Variants in EDIL3 observed in about 807,000 individuals in gnomAD.
The protein encoded by EDIL3 is EGF like and discoidin domains 3.
A neutral mutation model predicts 67.4 loss-of-function variants in EDIL3; 37 were observed. The observed-to-expected ratio is 0.55, with a 90% CI of 0.42 to 0.72. The LOEUF (loss-of-function observed/expected upper bound fraction) is 0.72. Among genes scored for constraint, EDIL3 ranks in the 30% least tolerant of loss-of-function variants. The pLI, the probability that EDIL3 is intolerant of heterozygous loss-of-function variation, is 0.00. For synonymous variants in EDIL3, 195 were observed against 196.3 expected (o/e 0.99, Z 0.05); for missense variants, 527 against 586.3 (o/e 0.90, Z 1.04).
At chr5:84,205,908 T>C (rs4348196) in intron 3 of EDIL3, among the ~76,000 whole-genome samples, 18,128 of 150,088 alleles carry the variant, frequency 0.12, 1,209 homozygotes, top group Non-Finnish European at 0.15. Context: ...GTGTCTCTAT[T>C]TCCTTCAGTT....
At chr5:84,103,441 A>C (rs1195392129) in intron 6 of EDIL3, among the ~76,000 whole-genome samples, 1 of 152,148 alleles carries the variant, frequency 6.6e-6, no homozygotes, top group Non-Finnish European at 1.5e-5. Context: ...CAACCTACCG[A>C]ATGGAAGAAA....
intron 2 of EDIL3, among the ~76,000 whole-genome samples, chr5:84,235,624 C>G (rs953178678): frequency 6.6e-6 from 1 of 152,052 alleles, no homozygotes; most frequent in South Asian, 2.1e-4. Context: ...GTCTGGAACA[C>G]TGGAGGAACT....
At chr5:84,356,948 T>C (rs1747501200) in intron 1 of EDIL3, among the ~76,000 whole-genome samples, 2 of 148,000 alleles carry the variant, frequency 1.4e-5, no homozygotes, top group Non-Finnish European at 3.0e-5. Flanking sequence ...CTTTTTTTTT[T>C]AAACATAGTC....
At chr5:84,257,743 C>T (rs796598161) in intron 1 of EDIL3, among the ~76,000 whole-genome samples, 2 of 152,216 alleles carry the variant, frequency 1.3e-5, no homozygotes, top group African/African-American at 4.8e-5. Context: ...AATTAAAGAG[C>T]CTCTGCTTAA....
intron 5 of EDIL3, among the ~76,000 whole-genome samples, chr5:84,135,714 G>A (rs1286263954): frequency 6.6e-6 from 1 of 152,140 alleles, no homozygotes; most frequent in Non-Finnish European, 1.5e-5. Flanking sequence ...CTAGTTGGCT[G>A]TATGGTCAAC....
intron 10 of EDIL3, among the ~76,000 whole-genome samples, chr5:83,958,303 T>A (rs190597573): frequency 6.6e-6 from 1 of 151,672 alleles, no homozygotes; most frequent in East Asian, 2.0e-4. Context: ...CCCAGAAATA[T>A]GTATTTTTAA....
intron 9 of EDIL3, among the ~76,000 whole-genome samples, chr5:83,964,086 G>A (rs928125022): frequency 6.6e-6 from 1 of 151,764 alleles, no homozygotes; most frequent in African/African-American, 2.4e-5. Flanking sequence ...AAGAGCATGA[G>A]ACCCATGAAA....
chr5:84,260,664 T>C (rs1459575132), intron 1 of EDIL3, among the ~76,000 whole-genome samples: 1 of 152,220 alleles, frequency 6.6e-6, no homozygotes, highest in East Asian at 1.9e-4. Flanking sequence ...TATTTATGTA[T>C]TGACAGTTAT....
rs1049081113 is a variant in EDIL3, at chr5:83,966,119, T to C, written c.1138-2759A>G. On this transcript the variant is annotated intron_variant, in intron 9 of 10. Coordinates refer to ENST00000296591, the MANE Select transcript of EDIL3 (RefSeq NM_005711.5). The stretch of plus-strand genomic sequence containing the variant: ...CTCTTGAAGATCTTCAGGGTGAAAG[T>C]TGAGCTGCAAATATGCTGGACAAAA... Among the ~76,000 whole-genome samples, 46 of 152,156 alleles carry C rather than the reference T, an allele frequency of 3.0e-4. 1 individual carries two copies. Among genetic ancestry groups the C allele is most frequent in the African/African-American group, 1.1e-3 (45 of 41,534 alleles).
rs1444379726 is a variant in EDIL3, at chr5:84,384,665, C to CGCGGCGG, written c.-298_-292dup. 2 of 206,542 alleles carry CGCGGCGG rather than the reference C, an allele frequency of 9.7e-6. No homozygotes were observed. The highest frequency in any genetic ancestry group is 2.2e-4 in the East Asian group (2 of 9,090). The allele number at this position is 206,542 out of a possible 1,614,324, so 12.8% of individuals were successfully genotyped here. On this transcript the variant is annotated 5_prime_UTR_variant, in exon 1 of 11. Transcript: ENST00000296591. ...CGCTGCGGGTGGGTCCCGGCAGAGGCGCGGCGGGCGGGGCGCGGGCTCCCG... is the reference window on the plus strand; with the variant it reads ...CGCTGCGGGTGGGTCCCGGCAGAGGCGCGGCGGGCGGCGGGCGGGGCGCGGGCTCCCG...
rs534241647 is a variant in EDIL3, at chr5:84,280,648, C to G, written c.68-26436G>C. 2.5e-3 allele frequency among the ~76,000 whole-genome samples: 375 copies of G among 152,174 alleles called. 1 individual carries two copies. Among genetic ancestry groups the G allele is most frequent in the African/African-American group, 8.4e-3 (349 of 41,514 alleles). On this transcript the variant is annotated intron_variant, in intron 1 of 10. Transcript: ENST00000296591. ...CTGAAGATCTATAATTTGGTGATCA[C>G]TTCTGTAAAGGAGAAAAACCTAGGC... is the stretch of plus-strand genomic sequence containing the variant.
At chr5:84,308,657 C>T (rs1424717666) in intron 1 of EDIL3, among the ~76,000 whole-genome samples, 1 of 151,964 alleles carries the variant, frequency 6.6e-6, no homozygotes, top group Non-Finnish European at 1.5e-5. Flanking sequence ...ATAAAACAGA[C>T]AGTAAATTAT....
At chr5:84,148,193 A>G (rs553447438) in intron 4 of EDIL3, among the ~76,000 whole-genome samples, 1 of 152,210 alleles carries the variant, frequency 6.6e-6, no homozygotes, top group African/African-American at 2.4e-5. Flanking sequence ...TGTTTGATAG[A>G]GTGTTTCTTG....
chr5:84,202,557 A>T (rs148594179), intron 3 of EDIL3, among the ~76,000 whole-genome samples: 5 of 152,302 alleles, frequency 3.3e-5, no homozygotes, highest in Non-Finnish European at 7.4e-5. Context: ...ATGGGTGTAG[A>T]AGGTAACGCT....
At chr5:84,187,625 T>C (rs1743492810) in intron 3 of EDIL3, among the ~76,000 whole-genome samples, 1 of 152,060 alleles carries the variant, frequency 6.6e-6, no homozygotes, top group Non-Finnish European at 1.5e-5. Context: ...GACCCCAAAT[T>C]TCACCCCAAA....
chr5:84,322,805 T>C (rs768714997), intron 1 of EDIL3, among the ~76,000 whole-genome samples: 16 of 151,914 alleles, frequency 1.1e-4, no homozygotes, highest in Admixed American at 2.6e-4. Context: ...AAATAGAAAA[T>C]TTTTAAGGCA....
At chr5:83,944,469 A>G in intron 10 of EDIL3, among the ~76,000 whole-genome samples, 1 of 150,032 alleles carries the variant, frequency 6.7e-6, no homozygotes, top group East Asian at 2.0e-4. Context: ...TTTCATAATA[A>G]CTTGGACAAA....
chr5:84,364,643 G>A (rs177602), intron 1 of EDIL3, among the ~76,000 whole-genome samples: 1,605 of 151,572 alleles, frequency 0.011, 33 homozygotes, highest in African/African-American at 0.037. Flanking sequence ...TCTTTTATGG[G>A]GCCATTTATA....
At chr5:84,363,822 G>T (rs1454735394) in intron 1 of EDIL3, among the ~76,000 whole-genome samples, 2 of 151,948 alleles carry the variant, frequency 1.3e-5, no homozygotes, top group Non-Finnish European at 2.9e-5. Context: ...ATCTCAACTG[G>T]AGATAAAAAA....
Sources: gnomAD v4.1 joint callset for allele counts (sites outside exome capture counted in the v4.1 genomes callset) on GRCh38, gnomAD v4.1.1 for gene constraint, MANE v1.5 for transcripts, NCBI Gene and HGNC (gene_info 2026-07-23, HGNC 2026-07-21) for gene names.